PALM2AKAP2: variants seen among roughly 807,000 people sequenced by gnomAD.
PALM2AKAP2 encodes PALM2-AKAP2 fusion protein.
In PALM2AKAP2, 37 loss-of-function variants were observed where a neutral mutation model predicts 71.5. The observed-to-expected ratio is 0.52, with a 90% CI of 0.40 to 0.68. The LOEUF is 0.68. PALM2AKAP2 is among the 30% of genes least tolerant of loss of function. The pLI is 0.00. For missense variants in PALM2AKAP2, 1,224 were observed against 1,191.8 expected (o/e 1.03, Z -0.40); for synonymous variants, 468 against 478.8 (o/e 0.98, Z 0.29).
intron 1 of PALM2AKAP2, among the ~76,000 whole-genome samples, chr9:109,840,667 A>T (rs1419268842): frequency 6.6e-6 from 1 of 152,252 alleles, no homozygotes; most frequent in African/African-American, 2.4e-5. Context: ...AAATAAATTT[A>T]CAAGAAAAAA....
intron 6 of PALM2AKAP2, among the ~76,000 whole-genome samples, chr9:109,977,465 G>T (rs1431897186): frequency 2.6e-5 from 4 of 152,138 alleles, no homozygotes; most frequent in Non-Finnish European, 5.9e-5. Context: ...CACCACTTCT[G>T]CTCTGAGCCT....
chr9:109,977,412 C>G (rs1832190968), intron 6 of PALM2AKAP2, among the ~76,000 whole-genome samples: 1 of 152,158 alleles, frequency 6.6e-6, no homozygotes, highest in African/African-American at 2.4e-5. Context: ...TAATGACTTG[C>G]TCGACATGCT....
At chr9:110,135,164 A>AAAAATATATATATATATATATATAT in intron 1 of PALM2AKAP2, among the ~76,000 whole-genome samples, 2 of 51,722 alleles carry the variant, frequency 3.9e-5, no homozygotes, top group Non-Finnish European at 7.5e-5. Flanking sequence ...AAAAAAAAAA[A>AAAAATATATATATATATATATATAT]ATATATAAAT....
intron 1 of PALM2AKAP2, among the ~76,000 whole-genome samples, chr9:109,752,249 G>A (rs1046984945): frequency 2.6e-5 from 4 of 152,128 alleles, no homozygotes; most frequent in African/African-American, 9.7e-5. Context: ...AAGGTAGAAT[G>A]CAAGAAGACT....
intron 1 of PALM2AKAP2, among the ~76,000 whole-genome samples, chr9:109,738,492 A>C (rs1404616932): frequency 6.6e-6 from 1 of 152,256 alleles, no homozygotes; most frequent in Admixed American, 6.5e-5. Context: ...GCAAGGTCTC[A>C]GGATAAAAGA....
At chr9:109,770,320 C>T (rs1365963687) in intron 1 of PALM2AKAP2, among the ~76,000 whole-genome samples, 1 of 151,954 alleles carries the variant, frequency 6.6e-6, no homozygotes, top group African/African-American at 2.4e-5. Context: ...TGGAAGAATT[C>T]AAGGAATTCC....
At chr9:109,683,352 G>A (rs1374076941) in intron 1 of PALM2AKAP2, among the ~76,000 whole-genome samples, 1 of 152,152 alleles carries the variant, frequency 6.6e-6, no homozygotes, top group East Asian at 1.9e-4. Context: ...ATCCTTATAA[G>A]AGAAGTGCAG....
Position 109,782,740 on chromosome 9 carries a change from TTGTTTGTGTGTG to T in PALM2AKAP2, c.45+2211_45+2222del, listed in dbSNP as rs1213437342. ...GGACAGATTTGCTAACAGCGTGTGT[TTGTTTGTGTGTG>T]TGTGTGTGTGTGTGTGTGTGTGTGT... On this transcript the variant is annotated intron_variant, in intron 1 of 9. Coordinates refer to the PALM2AKAP2 transcript ENST00000302798. Among the ~76,000 whole-genome samples the T allele has an allele frequency of 9.3e-3, 1,178 of 126,056 alleles. 25 individuals are homozygous for T. The highest frequency in any genetic ancestry group is 0.038 in the African/African-American group (1,127 of 29,974). The allele number at this position is 126,056 out of a possible 152,430, so 82.7% of individuals were successfully genotyped here.
chr9:110,035,496 T>C (rs1257831267), intron 7 of PALM2AKAP2, among the ~76,000 whole-genome samples: 2 of 143,444 alleles, frequency 1.4e-5, no homozygotes, highest in Admixed American at 1.4e-4. Context: ...ATATATAACA[T>C]ATATATGATA....
intron 1 of PALM2AKAP2, among the ~76,000 whole-genome samples, chr9:109,749,434 C>G (rs1828852709): frequency 6.6e-6 from 1 of 151,894 alleles, no homozygotes; most frequent in South Asian, 2.1e-4. Flanking sequence ...TGCTCTTGGG[C>G]AAGTCTTTTT....
At chr9:110,091,060 T>C (rs1281910316) in intron 1 of PALM2AKAP2, among the ~76,000 whole-genome samples, 1 of 151,978 alleles carries the variant, frequency 6.6e-6, no homozygotes, top group African/African-American at 2.4e-5. Context: ...CTACATGAGC[T>C]CTGTTTCAGA....
chr9:110,034,369 G>A (rs1373959399), intron 7 of PALM2AKAP2, among the ~76,000 whole-genome samples: 3 of 151,852 alleles, frequency 2.0e-5, no homozygotes, highest in Non-Finnish European at 4.4e-5. Flanking sequence ...TGTTGTTCAG[G>A]CTGGCCTCAA....
chr9:110,125,511 C>G (rs575728871), intron 1 of PALM2AKAP2: 1 of 985,546 alleles, frequency 1.0e-6, no homozygotes, highest in African/African-American at 1.7e-5. Context: ...AGGAATTTGT[C>G]CAGCTTGAGC....
At chr9:110,166,564 T>C (rs1477135993) in intron 3 of PALM2AKAP2, among the ~76,000 whole-genome samples, 1 of 152,206 alleles carries the variant, frequency 6.6e-6, no homozygotes, top group African/African-American at 2.4e-5. Flanking sequence ...TCCTACTAAT[T>C]TGTTATTCGT....
intron 1 of PALM2AKAP2, among the ~76,000 whole-genome samples, chr9:109,714,279 G>A (rs997772585): frequency 7.9e-5 from 12 of 152,164 alleles, no homozygotes; most frequent in Middle Eastern, 3.4e-3. Context: ...GGTTCATTAC[G>A]AAATCTCTCT....
chr9:109,942,737 C>T, intron 6 of PALM2AKAP2: 1 of 1,611,218 alleles, frequency 6.2e-7, no homozygotes. Flanking sequence ...ACAGGAGAGA[C>T]CAAGATTCTC....
chr9:109,840,118 T>C (rs1480677300), intron 1 of PALM2AKAP2, among the ~76,000 whole-genome samples: 1 of 152,174 alleles, frequency 6.6e-6, no homozygotes, highest in Non-Finnish European at 1.5e-5. Flanking sequence ...CAAACTATAC[T>C]ACAAGGCTAT....
intron 1 of PALM2AKAP2, among the ~76,000 whole-genome samples, chr9:109,721,895 A>G (rs377033606): frequency 1.3e-5 from 2 of 152,216 alleles, no homozygotes; most frequent in African/African-American, 4.8e-5. Flanking sequence ...CTAAATAATT[A>G]TATATGAATT....
At chr9:109,703,293 T>C (rs1828092454) in intron 1 of PALM2AKAP2, among the ~76,000 whole-genome samples, 1 of 152,214 alleles carries the variant, frequency 6.6e-6, no homozygotes, top group African/African-American at 2.4e-5. Context: ...CCAGGCTTTA[T>C]CTGAAGTGTG....
Sources: gnomAD v4.1 joint callset for allele counts (sites outside exome capture counted in the v4.1 genomes callset) on GRCh38, gnomAD v4.1.1 for gene constraint, MANE v1.5 for transcripts, NCBI Gene and HGNC (gene_info 2026-07-23, HGNC 2026-07-21) for gene names.